CNOT6L: variants seen among roughly 807,000 people sequenced by gnomAD.
CNOT6L encodes CCR4-NOT transcription complex subunit 6 like, also known as CCR4-NOT transcription complex subunit 6-like.
In CNOT6L, 7 loss-of-function variants were observed where a neutral mutation model predicts 64.0. The ratio of observed to expected loss-of-function variants is 0.11; its 90% CI spans 0.06 to 0.21. The LOEUF (loss-of-function observed/expected upper bound fraction) is 0.21, where lower values mean the gene tolerates loss of function less well. Ranked by LOEUF, CNOT6L falls within the 10% of genes least tolerant of loss-of-function variation. CNOT6L has a pLI of 1.00. For missense variants in CNOT6L, 245 were observed against 669.0 expected (o/e 0.37, Z 6.99); for synonymous variants, 193 against 243.4 (o/e 0.79, Z 1.93).
intron 1 of CNOT6L, among the ~76,000 whole-genome samples, 195 bp from the exon 2 acceptor site, chr4:77,776,587 T>G (rs757957632): frequency 4.6e-5 from 7 of 152,230 alleles, no homozygotes; most frequent in Non-Finnish European, 4.4e-5. Flanking sequence ...GAACTCATTA[T>G]CAGATGCCTA....
At chr4:77,754,887 G>GAAAAAAAAAAAAAAAAAAA (rs1725286474) in intron 5 of CNOT6L, among the ~76,000 whole-genome samples, 3 of 12,302 alleles carry the variant, frequency 2.4e-4, no homozygotes, top group South Asian at 2.5e-3. Context: ...AACATTAGAA[G>GAAAAAAAAAAAAAAAAAAA]TAAAAAAAAA....
chr4:77,806,324 C>A (rs575806041), intron 1 of CNOT6L, among the ~76,000 whole-genome samples: 1 of 152,140 alleles, frequency 6.6e-6, no homozygotes, highest in East Asian at 1.9e-4. Flanking sequence ...ACTCAGGAGG[C>A]TGAGACAGGA....
chr4:77,797,648 G>A (rs927925739), intron 1 of CNOT6L, among the ~76,000 whole-genome samples: 1 of 152,072 alleles, frequency 6.6e-6, no homozygotes, highest in Non-Finnish European at 1.5e-5. Context: ...TAAGTGAAAT[G>A]GTGAAAATTC....
At chr4:77,810,441 T>C (rs1578011535) in intron 1 of CNOT6L, among the ~76,000 whole-genome samples, 2 of 152,280 alleles carry the variant, frequency 1.3e-5, no homozygotes, top group East Asian at 1.9e-4. Flanking sequence ...AGATTCAAAG[T>C]ACATTAAACT....
At chr4:77,768,474 AATATATATAT>A (rs1193284066) in intron 4 of CNOT6L, among the ~76,000 whole-genome samples, 164 of 13,112 alleles carry the variant, frequency 0.013, 3 homozygotes, top group African/African-American at 0.02. Flanking sequence ...AAAATAAATA[AATATATATAT>A]ATATATATAT....
intron 1 of CNOT6L, among the ~76,000 whole-genome samples, chr4:77,792,692 C>G (rs1745184479): frequency 6.8e-6 from 1 of 146,664 alleles, no homozygotes; most frequent in South Asian, 2.1e-4. Flanking sequence ...TGCCATTGCA[C>G]TCCAGCCTGG....
chr4:77,725,462 G>C (rs1403076717), intron 11 of CNOT6L, among the ~76,000 whole-genome samples: 1 of 152,182 alleles, frequency 6.6e-6, no homozygotes, highest in Admixed American at 6.5e-5. Flanking sequence ...AGAGTGATCA[G>C]AAAACTAGCA....
chr4:77,812,705 T>C (rs1422457759), intron 1 of CNOT6L, among the ~76,000 whole-genome samples: 1 of 152,024 alleles, frequency 6.6e-6, no homozygotes, highest in Admixed American at 6.6e-5. Flanking sequence ...AAACATCCCA[T>C]GTTCATGGAC....
At chr4:77,750,456 A>G (rs1329199590) in intron 5 of CNOT6L, among the ~76,000 whole-genome samples, 1 of 151,996 alleles carries the variant, frequency 6.6e-6, no homozygotes, top group East Asian at 1.9e-4. Context: ...GGTTCACGCC[A>G]TTCTCCTGCC....
At chr4:77,809,155 G>A (rs1328700631) in intron 1 of CNOT6L, among the ~76,000 whole-genome samples, 3 of 152,172 alleles carry the variant, frequency 2.0e-5, no homozygotes, top group East Asian at 3.9e-4. Flanking sequence ...ATGAGTTTCC[G>A]TAGAGCTGGA....
intron 4 of CNOT6L, among the ~76,000 whole-genome samples, chr4:77,771,589 T>C (rs1398856005): frequency 6.6e-6 from 1 of 152,242 alleles, no homozygotes; most frequent in Non-Finnish European, 1.5e-5. Context: ...CTCTACTTCA[T>C]ATGTGATTTA....
At chr4:77,754,563 T>A (rs1263749950) in intron 5 of CNOT6L, among the ~76,000 whole-genome samples, 2 of 152,076 alleles carry the variant, frequency 1.3e-5, no homozygotes, top group Non-Finnish European at 2.9e-5. Flanking sequence ...GTTCTAAAAA[T>A]TTTAATAAAA....
At chr4:77,759,946 A>ACATACAGT (rs1360077092) in intron 4 of CNOT6L, among the ~76,000 whole-genome samples, 1 of 152,236 alleles carries the variant, frequency 6.6e-6, no homozygotes, top group Non-Finnish European at 1.5e-5. Flanking sequence ...ATCATACAAA[A>ACATACAGT]CATACAGTTA....
intron 6 of CNOT6L, among the ~76,000 whole-genome samples, chr4:77,747,796 C>T (rs1011938306): frequency 1.3e-5 from 2 of 152,170 alleles, no homozygotes; most frequent in Non-Finnish European, 2.9e-5. Context: ...ACTACTTCTA[C>T]ACCCCTGGGC....
At chr4:77,774,483 A>T in intron 3 of CNOT6L, 47 bp downstream of exon 3, 1 of 1,450,440 alleles carries the variant, frequency 6.9e-7, no homozygotes, top group Non-Finnish European at 9.3e-7. Flanking sequence ...TCATTTTCTT[A>T]AATTTAGAAT....
intron 1 of CNOT6L, among the ~76,000 whole-genome samples, chr4:77,793,236 T>G (rs1331942869): frequency 6.6e-6 from 1 of 152,128 alleles, no homozygotes; most frequent in East Asian, 1.9e-4. Context: ...GATGATGATA[T>G]TCTAGCCATC....
intron 4 of CNOT6L, among the ~76,000 whole-genome samples, chr4:77,765,369 T>TAA (rs11434861): frequency 1.3e-4 from 20 of 150,558 alleles, no homozygotes; most frequent in Non-Finnish European, 2.2e-4. Flanking sequence ...TGCTTTCACT[T>TAA]AAAAAAAAAA....
At chr4:77,800,359 A>G (rs900846145) in intron 1 of CNOT6L, among the ~76,000 whole-genome samples, 1 of 151,676 alleles carries the variant, frequency 6.6e-6, no homozygotes, top group African/African-American at 2.4e-5. Context: ...TTTTTTTTTT[A>G]AAGTAGCCAG....
chr4:77,819,482 C>G, upstream of CNOT6L: 1 of 1,366,956 alleles, frequency 7.3e-7, no homozygotes, highest in Non-Finnish European at 9.8e-7. Context: ...CTCCCGCCCG[C>G]CCCGAGGGGA....
Sources: gnomAD v4.1 joint callset for allele counts (sites outside exome capture counted in the v4.1 genomes callset) on GRCh38, gnomAD v4.1.1 for gene constraint, MANE v1.5 for transcripts, NCBI Gene and HGNC (gene_info 2026-07-23, HGNC 2026-07-21) for gene names.